The following TMEM108 variants were observed in gnomAD, a reference collection of about 807,000 sequenced individuals.
The protein encoded by TMEM108 is cancer/testis antigen 124.
TMEM108 carries 12 observed loss-of-function variants against 35.1 expected under a neutral mutation model. The observed-to-expected ratio is 0.34, with a 90% CI of 0.22 to 0.55. The LOEUF (loss-of-function observed/expected upper bound fraction) is 0.55. Among genes scored for constraint, TMEM108 ranks in the 20% least tolerant of loss-of-function variants. The probability of loss-of-function intolerance (pLI) is 0.89; values close to 1 mark genes in which losing one functional copy is unlikely to be tolerated. For missense variants in TMEM108, 680 were observed against 753.3 expected, an observed-to-expected ratio of 0.90 and a Z score of 1.14; for synonymous variants, 287 against 308.6, an observed-to-expected ratio of 0.93 and a Z score of 0.73.
intron 2 of TMEM108, among the ~76,000 whole-genome samples, chr3:133,159,132 T>C (rs1277537441): frequency 3.3e-5 from 5 of 152,212 alleles, no homozygotes; most frequent in Non-Finnish European, 5.9e-5. Context: ...CCTTGGTTTC[T>C]GATAGATCAT....
intron 3 of TMEM108, among the ~76,000 whole-genome samples, chr3:133,266,076 ACTCCAAGAAAG>A (rs1248514222): frequency 6.6e-6 from 1 of 151,340 alleles, no homozygotes; most frequent in Non-Finnish European, 1.5e-5. Flanking sequence ...TTTTGCCTTG[ACTCCAAGAAAG>A]CTCTTAAAAA....
At chr3:133,351,913 A>G (rs1264575898) in intron 3 of TMEM108, among the ~76,000 whole-genome samples, 1 of 152,166 alleles carries the variant, frequency 6.6e-6, no homozygotes, top group African/African-American at 2.4e-5. Flanking sequence ...TTGGCTTCAC[A>G]TTATATCCAC....
chr3:133,140,186 A>G (rs971129202), intron 2 of TMEM108, among the ~76,000 whole-genome samples: 2 of 152,218 alleles, frequency 1.3e-5, no homozygotes, highest in African/African-American at 2.4e-5. Context: ...TCATTAAGCC[A>G]TTCCAGAAAT....
chr3:133,069,546 C>G (rs1033183573), intron 2 of TMEM108, among the ~76,000 whole-genome samples: 2 of 152,056 alleles, frequency 1.3e-5, no homozygotes, highest in Admixed American at 1.3e-4. Flanking sequence ...ACTTAAGGTC[C>G]AGTTCAGTAC....
intron 2 of TMEM108, among the ~76,000 whole-genome samples, chr3:133,098,632 G>GGT (rs879733385): frequency 5.3e-5 from 8 of 152,138 alleles, no homozygotes; most frequent in Non-Finnish European, 7.3e-5. Flanking sequence ...ATACAATGGG[G>GGT]GTACAGGTAT....
At chr3:133,210,136 G>A (rs1421941338) in intron 2 of TMEM108, among the ~76,000 whole-genome samples, 2 of 152,272 alleles carry the variant, frequency 1.3e-5, no homozygotes, top group South Asian at 2.1e-4. Context: ...TCCATCTCTC[G>A]TAAAACTGTC....
chr3:133,381,636 A>G (rs1179162857), intron 4 of TMEM108, among the ~76,000 whole-genome samples: 1 of 152,180 alleles, frequency 6.6e-6, no homozygotes, highest in African/African-American at 2.4e-5. Flanking sequence ...TTCAAAATTT[A>G]CAGCCTCCAA....
At chr3:133,055,761 G>A (rs1943458330) in intron 2 of TMEM108, among the ~76,000 whole-genome samples, 2 of 152,154 alleles carry the variant, frequency 1.3e-5, no homozygotes, top group East Asian at 3.9e-4. Context: ...ATTCCTATCA[G>A]CACACCCCTT....
At chr3:133,096,836 A>G (rs1944021433) in intron 2 of TMEM108, among the ~76,000 whole-genome samples, 1 of 152,352 alleles carries the variant, frequency 6.6e-6, no homozygotes, top group Non-Finnish European at 1.5e-5. Context: ...CACTGAATAA[A>G]TGATTTACTT....
intron 4 of TMEM108, among the ~76,000 whole-genome samples, chr3:133,381,869 A>C (rs1160034421): frequency 6.6e-6 from 1 of 151,404 alleles, no homozygotes; most frequent in Non-Finnish European, 1.5e-5. Flanking sequence ...CCCCCACCCC[A>C]CTTTATTTGT....
chr3:133,189,332 A>G (rs562093848), intron 2 of TMEM108, among the ~76,000 whole-genome samples: 1 of 152,192 alleles, frequency 6.6e-6, no homozygotes, highest in Admixed American at 6.5e-5. Context: ...TGAAGGGTAA[A>G]CATGTATAAA....
chr3:133,196,718 G>A (rs1177615884), intron 2 of TMEM108, among the ~76,000 whole-genome samples: 2 of 152,210 alleles, frequency 1.3e-5, no homozygotes, highest in Non-Finnish European at 2.9e-5. Flanking sequence ...ATTCAGGGCT[G>A]CTGAGTCAGC....
At chr3:133,258,005 A>G (rs1252211485) in intron 3 of TMEM108, among the ~76,000 whole-genome samples, 1 of 152,094 alleles carries the variant, frequency 6.6e-6, no homozygotes, top group Non-Finnish European at 1.5e-5. Flanking sequence ...ACCATTTATA[A>G]CCTGCTGTAG....
chr3:133,284,293 C>T (rs146056680), intron 3 of TMEM108, among the ~76,000 whole-genome samples: 15 of 152,342 alleles, frequency 9.8e-5, no homozygotes, highest in African/African-American at 3.6e-4. Context: ...CTGGATTCTG[C>T]AGGGTTAGCC....
chr3:133,206,652 C>CT (rs370713093), intron 2 of TMEM108, among the ~76,000 whole-genome samples: 6 of 152,300 alleles, frequency 3.9e-5, no homozygotes, highest in African/African-American at 1.4e-4. Flanking sequence ...GCAAAGATTG[C>CT]TGCCTGTTCC....
chr3:133,064,478 A>G (rs879477412), intron 2 of TMEM108, among the ~76,000 whole-genome samples: 1 of 152,190 alleles, frequency 6.6e-6, no homozygotes. Context: ...AGATTCAGGA[A>G]AGATTTGCCA....
chr3:133,133,680 CCTTTTTTTTTCTTT>C (rs1944523161), intron 2 of TMEM108, among the ~76,000 whole-genome samples: 1 of 150,138 alleles, frequency 6.7e-6, no homozygotes, highest in Non-Finnish European at 1.5e-5. Flanking sequence ...CTTTTTTTTT[CCTTTTTTTTTCTTT>C]CTTTTTTTTT....
At chr3:133,214,468 G>A (rs1945877265) in intron 2 of TMEM108, among the ~76,000 whole-genome samples, 2 of 151,792 alleles carry the variant, frequency 1.3e-5, no homozygotes, top group Admixed American at 1.3e-4. Flanking sequence ...TTTCCCTGAG[G>A]GTTCTCTCAG....
intron 3 of TMEM108, among the ~76,000 whole-genome samples, chr3:133,354,844 C>T (rs1468075860): frequency 6.6e-6 from 1 of 151,054 alleles, no homozygotes; most frequent in Non-Finnish European, 1.5e-5. Context: ...TGGCTTTTTC[C>T]TTTACACATT....
Sources: gnomAD v4.1 joint callset for allele counts (sites outside exome capture counted in the v4.1 genomes callset) on GRCh38, gnomAD v4.1.1 for gene constraint, MANE v1.5 for transcripts, NCBI Gene and HGNC (gene_info 2026-07-23, HGNC 2026-07-21) for gene names.